SRGN: variants seen among roughly 807,000 people sequenced by gnomAD.
The protein encoded by SRGN is hematopoetic proteoglycan core peptide.
In SRGN, 2 loss-of-function variants were observed where a neutral mutation model predicts 9.5. The observed-to-expected ratio is 0.21, with a 90% confidence interval of 0.09 to 0.66. The LOEUF is 0.66. Among genes scored for constraint, SRGN ranks in the 30% least tolerant of loss-of-function variants. The probability of loss-of-function intolerance (pLI) is 0.83; values close to 1 mark genes in which losing one functional copy is unlikely to be tolerated. For missense variants in SRGN, 170 were observed against 192.4 expected, an observed-to-expected ratio of 0.88 and a Z score of 0.69; for synonymous variants, 59 against 72.3, an observed-to-expected ratio of 0.82 and a Z score of 0.93.
intron 1 of SRGN, among the ~76,000 whole-genome samples, chr10:69,091,289 G>C (rs763448772): frequency 3.5e-4 from 54 of 152,206 alleles, no homozygotes; most frequent in Non-Finnish European, 7.3e-4. Context: ...TCATGGATCA[G>C]AGGTTTTCTT....
intron 2 of SRGN, among the ~76,000 whole-genome samples, chr10:69,101,392 T>C (rs910924633): frequency 1.3e-5 from 2 of 152,234 alleles, no homozygotes; most frequent in African/African-American, 4.8e-5. Context: ...AGTTTCCTGA[T>C]TGGACCCTGG....
At chr10:69,093,769 A>G (rs565086526) in intron 1 of SRGN, among the ~76,000 whole-genome samples, 32 of 152,160 alleles carry the variant, frequency 2.1e-4, no homozygotes, top group Non-Finnish European at 4.1e-4. Flanking sequence ...CGGGAGGCTG[A>G]GGCAGGAGAA....
intron 1 of SRGN, 144 bp downstream of exon 1, chr10:69,088,380 T>C: frequency 1.5e-6 from 1 of 670,950 alleles, no homozygotes; most frequent in Non-Finnish European, 2.5e-6. Flanking sequence ...CGCTGAACCC[T>C]TTAATATGAG....
In SRGN at chr10:69,103,794, T is replaced by TA. The variant is rs983536324; in HGVS notation, c.228-70dup. 1.3e-5 allele frequency: 20 copies of TA among 1,486,918 alleles called. No individual in the cohort carries two copies. The African/African-American group carries it at 2.0e-4, about 15-fold the overall frequency. 92.1% of individuals were successfully genotyped at this position (1,486,918 alleles called of 1,614,324 possible). On this transcript the variant is annotated intron_variant, in intron 2 of 2. Transcript: ENST00000242465. ...GATGGCTGTATTTATCTCCTTATAT[T>TA]AAAAAAACTATTATAATTATCTTTC...
chr10:69,101,682 T>C (rs1840296092), intron 2 of SRGN, among the ~76,000 whole-genome samples: 1 of 152,176 alleles, frequency 6.6e-6, no homozygotes, highest in Non-Finnish European at 1.5e-5. Context: ...GTGGCTGGAC[T>C]TCTGTTCCTA....
Position 69,089,548 on chromosome 10 carries a change from T to C in SRGN, c.79+1312T>C, listed in dbSNP as rs115192038. Among the ~76,000 whole-genome samples, 617 of 152,336 alleles carry C rather than the reference T, an allele frequency of 4.1e-3. 4 individuals are homozygous for C. Among genetic ancestry groups the C allele is most frequent in the African/African-American group, 0.014 (579 of 41,580 alleles). On this transcript the variant is annotated intron_variant, in intron 1 of 2. Transcript: ENST00000242465. ...AACATGAATTTCCCACTAAGATTCATTAAGGAAAACTAGAATGAAAACAAA... is the reference window on the plus strand; with the variant it reads ...AACATGAATTTCCCACTAAGATTCACTAAGGAAAACTAGAATGAAAACAAA...
intron 2 of SRGN, among the ~76,000 whole-genome samples, chr10:69,097,764 A>T (rs1254323684): frequency 6.6e-6 from 1 of 151,962 alleles, no homozygotes; most frequent in Non-Finnish European, 1.5e-5. Context: ...GGCTTTCATC[A>T]TCTTGGCCAG....
intron 1 of SRGN, among the ~76,000 whole-genome samples, chr10:69,095,987 A>G (rs924495900): frequency 6.6e-6 from 1 of 152,216 alleles, no homozygotes; most frequent in Admixed American, 6.5e-5. Context: ...AGCCTTTTCC[A>G]TAGAAATGAA....
chr10:69,104,025 G>A lies in SRGN; in HGVS notation c.382G>A (p.Ala128Thr), dbSNP rs1840345688. The A allele has an allele frequency of 6.8e-6, 11 of 1,614,072 alleles. No individual in the cohort carries two copies. The highest frequency in any genetic ancestry group is 1.3e-5 in the African/African-American group (1 of 74,926). ...TTACCAACTAGTAGACGAAAGTGAT[G>A]CTTTCCATGACAACCTTAGGTCTCT... ...QDYQLVDESD[A>T]FHDNLRSLDR... Residue 128 changes from alanine to threonine, a missense_variant, in exon 3 of 3, where the codon GCT becomes ACT. Physicochemically the swap from Ala to Thr is moderately conservative, Grantham distance 58. Coordinates refer to ENST00000242465, the MANE Select transcript of SRGN (RefSeq NM_002727.4).
intron 1 of SRGN, among the ~76,000 whole-genome samples, chr10:69,090,076 T>A (rs1355468944): frequency 6.6e-6 from 1 of 152,128 alleles, no homozygotes; most frequent in African/African-American, 2.4e-5. Flanking sequence ...CTAGGGTGTT[T>A]CCGAAAAAAG....
At position 69,104,447 on chromosome 10, in the gene SRGN, G is replaced by A. The variant is rs1402665671; in HGVS notation, c.*327G>A. The A allele has an allele frequency of 6.2e-6, 1 of 161,276 alleles. No homozygotes were observed. The highest frequency in any genetic ancestry group is 2.4e-5 in the African/African-American group (1 of 41,536). 10.0% of individuals were successfully genotyped at this position (161,276 alleles called of 1,614,324 possible). ...TTTAAAGTAGCTTGAGAAGCAAATT[G>A]GCAGGTAATATTTCATACCTAAATT... On this transcript the variant is annotated 3_prime_UTR_variant, in exon 3 of 3. Transcript: ENST00000242465.
At chr10:69,095,632 C>T (rs765340762) in intron 1 of SRGN, among the ~76,000 whole-genome samples, 3 of 152,030 alleles carry the variant, frequency 2.0e-5, no homozygotes, top group East Asian at 1.9e-4. Context: ...CTATATAGGC[C>T]GGGCATGGTG....
intron 2 of SRGN, 141 bp downstream of exon 2, chr10:69,097,372 T>A: frequency 1.7e-6 from 1 of 586,698 alleles, no homozygotes; most frequent in East Asian, 3.3e-5. Context: ...GCGATTCTCC[T>A]GCTTCAGCCT....
chr10:69,087,689 T>C (rs1341414367), upstream of SRGN, among the ~76,000 whole-genome samples: 1 of 151,780 alleles, frequency 6.6e-6, no homozygotes, highest in East Asian at 1.9e-4. Context: ...AAAAAGAAAA[T>C]GAAGAGAATG....
intron 1 of SRGN, among the ~76,000 whole-genome samples, chr10:69,090,248 G>A (rs972974910): frequency 3.9e-5 from 6 of 152,166 alleles, no homozygotes; most frequent in Admixed American, 2.0e-4. Context: ...GATATGATTC[G>A]ACAACATTCT....
At chr10:69,088,093 G>GCACC, upstream of SRGN, 3 of 1,372,330 alleles carry the variant, frequency 2.2e-6, no homozygotes, top group Non-Finnish European at 3.1e-6. Context: ...GGGACAGAGA[G>GCACC]CACCCTGCTA....
chr10:69,098,040 T>C (rs1840213543), intron 2 of SRGN, among the ~76,000 whole-genome samples: 1 of 152,196 alleles, frequency 6.6e-6, no homozygotes, highest in African/African-American at 2.4e-5. Flanking sequence ...CATGTGCGAG[T>C]ATACATGATT....
intron 2 of SRGN, among the ~76,000 whole-genome samples, chr10:69,103,473 G>A (rs1222535626): frequency 2.0e-5 from 3 of 152,058 alleles, no homozygotes; most frequent in African/African-American, 7.2e-5. Context: ...AACCTGGGAG[G>A]TGGAGGTTGC....
At chr10:69,098,140 T>G (rs1840216143) in intron 2 of SRGN, among the ~76,000 whole-genome samples, 1 of 152,212 alleles carries the variant, frequency 6.6e-6, no homozygotes, top group South Asian at 2.1e-4. Flanking sequence ...TTGAACATTG[T>G]TTTATTTGTG....
Sources: allele counts gnomAD v4.1 joint callset (sites outside exome capture counted in the v4.1 genomes callset), GRCh38; gene constraint gnomAD v4.1.1; transcripts MANE v1.5; gene names NCBI Gene and HGNC (gene_info 2026-07-23, HGNC 2026-07-21).